The following DSC1 variants were observed in gnomAD, a reference collection of about 807,000 sequenced individuals.
The protein encoded by DSC1 is desmocollin 1.
Under a neutral mutation model 98.8 loss-of-function variants are expected in DSC1, and 79 were observed. The observed-to-expected ratio is 0.80, with a 90% confidence interval of 0.67 to 0.96. The LOEUF (loss-of-function observed/expected upper bound fraction) is 0.96. DSC1 is among the 50% of genes least tolerant of loss of function. The pLI, the probability that DSC1 is intolerant of heterozygous loss-of-function variation, is 0.00. For missense variants in DSC1, 1,115 were observed against 1,075.9 expected (o/e 1.04, Z -0.51); for synonymous variants, 405 against 372.1 (o/e 1.09, Z -1.02).
At chr18:31,162,247 C>T (rs1989223289) in intron 1 of DSC1, among the ~76,000 whole-genome samples, 1 of 152,144 alleles carries the variant, frequency 6.6e-6, no homozygotes, top group Non-Finnish European at 1.5e-5. Flanking sequence ...AGAATGAATT[C>T]ACTTCTCTAC....
intron 5 of DSC1, among the ~76,000 whole-genome samples, chr18:31,152,533 G>C (rs543205869): frequency 2.4e-4 from 36 of 152,248 alleles, no homozygotes; most frequent in African/African-American, 8.4e-4. Flanking sequence ...CAAAATTCTA[G>C]AACACGTGTA....
At chr18:31,159,064 T>TTTTTTTTTTTTTTTTTTTTTTA (rs1398116576) in intron 2 of DSC1, among the ~76,000 whole-genome samples, 1 of 99,742 alleles carries the variant, frequency 1.0e-5, no homozygotes, top group African/African-American at 3.5e-5. Flanking sequence ...TTTTTTTTTT[T>TTTTTTTTTTTTTTTTTTTTTTA]GAGACAGAGT....
Position 31,139,893 on chromosome 18 carries a change from A to G in DSC1, c.1521-3T>C. 2 of 1,593,072 alleles carry G rather than the reference A, an allele frequency of 1.3e-6. No individual in the cohort carries two copies. The highest frequency in any genetic ancestry group is 1.7e-6 in the Non-Finnish European group (2 of 1,174,202). On this transcript the variant is annotated splice_region_variant and splice_polypyrimidine_tract_variant and intron_variant, in intron 10 of 15. Transcript: ENST00000257198. ...CTTCATCCCCTAACTTCTGATACCT[A>G]ATTTTTAGAAATCAAATATGAACGG... is the stretch of plus-strand genomic sequence containing the variant.
rs200787420 is a variant in DSC1 at position 31,144,936 on chromosome 18, C to CTT, written c.939+673_939+674dup. Among the ~76,000 whole-genome samples, 902 of 95,132 alleles carry CTT rather than the reference C, an allele frequency of 9.5e-3. 4 individuals are homozygous for CTT. The highest frequency in any genetic ancestry group is 0.01 in the East Asian group (21 of 2,056). The allele number at this position is 95,132 out of a possible 152,430, so 62.4% of individuals were successfully genotyped here. On this transcript the variant is annotated intron_variant, in intron 7 of 15. Coordinates refer to ENST00000257198, the MANE Select transcript of DSC1 (RefSeq NM_024421.2). The stretch of plus-strand genomic sequence containing the variant: ...TGGGAACCGTCTGTATTTTCTTTTT[C>CTT]TTTCTTTTTTTTTTTTTTTTTGAGA...
In DSC1 at chr18:31,132,568, C is replaced by T. The variant is rs143623071; in HGVS notation, c.2238G>A (p.Thr746=). The T allele has an allele frequency of 3.1e-4, 493 of 1,612,570 alleles. No homozygotes were observed. Among genetic ancestry groups the T allele is most frequent in the Non-Finnish European group, 3.9e-4 (465 of 1,179,224 alleles). Residue 746 remains threonine (T), a splice_region_variant and synonymous_variant, in exon 14 of 16, where the codon ACG becomes ACA. Transcript: ENST00000257198. Reference sequence around the variant, plus strand: ...CAAAGGGATGTGAAATCTGATTTACCGTTACTTCTTCTCCAGGTCCTTCAG... The same window carrying T: ...CAAAGGGATGTGAAATCTGATTTACTGTTACTTCTTCTCCAGGTCCTTCAG... The part of the protein sequence containing the change: ...SNTEGPGEEV[T]EANIRLPMQT...
rs1316896991 is a variant in DSC1 at position 31,154,990 on chromosome 18, C to T, written c.472-61G>A. The T allele has an allele frequency of 4.5e-6, 7 of 1,568,048 alleles. No individual in the cohort carries two copies. In the Admixed American group the frequency reaches 1.3e-4, roughly 29 times the overall value. ...ATGATGAATATTTTCAACCTAACCT[C>T]TTGTGATGGTTTATTTTTTTACCAC... On this transcript the variant is annotated intron_variant, in intron 4 of 15. Coordinates refer to ENST00000257198, the MANE Select transcript of DSC1 (RefSeq NM_024421.2).
chr18:31,155,245 TC>T (rs1422749172), intron 4 of DSC1, among the ~76,000 whole-genome samples: 1 of 152,194 alleles, frequency 6.6e-6, no homozygotes, highest in East Asian at 1.9e-4. Flanking sequence ...AGTAACAGTT[TC>T]CGTGATTTTG....
At position 31,157,409 on chromosome 18, in the gene DSC1, G is replaced by A. The variant is rs1332578745; in HGVS notation, c.313C>T (p.Gln105Ter). The A allele has an allele frequency of 9.9e-6, 16 of 1,613,918 alleles. No individual in the cohort carries two copies. Among genetic ancestry groups the A allele is most frequent in the Non-Finnish European group, 1.4e-5 (16 of 1,180,004 alleles). ...FLSDGQRREQ[Q>*]EIKVVLSARE... is the part of the protein sequence containing the mutation. ...GCTGACAGTACAACTTTTATCTCTT[G>A]TTGTTCCCGTCTCTGACCATCTGAA... The change falls in exon 3 of 16, where the codon CAA (glutamine) becomes TAA (stop). Residue 105 changes from glutamine (Q) to a stop codon, truncating the protein, a stop_gained. Transcript: ENST00000257198. LOFTEE classifies it high-confidence loss of function.
At chr18:31,153,791 C>T (rs1989044087) in intron 5 of DSC1, among the ~76,000 whole-genome samples, 1 of 152,064 alleles carries the variant, frequency 6.6e-6, no homozygotes, top group African/African-American at 2.4e-5. Flanking sequence ...GTAAATATTT[C>T]CATTTCTGAT....
At position 31,134,564 on chromosome 18, in the gene DSC1, T is replaced by A. The variant is rs369776510; in HGVS notation, c.1876+8A>T. ...GTATTGACTATAAAATTTAGCATGATTACATACCATCCTTTTCTTCTATGT... is the reference window on the plus strand; with the variant it reads ...GTATTGACTATAAAATTTAGCATGAATACATACCATCCTTTTCTTCTATGT... On this transcript the variant is annotated splice_region_variant and intron_variant, in intron 12 of 15. Coordinates refer to ENST00000257198, the MANE Select transcript of DSC1 (RefSeq NM_024421.2). 8 of 1,599,192 alleles carry A rather than the reference T, an allele frequency of 5.0e-6. No individual in the cohort carries two copies. The African/African-American group carries it at 9.4e-5, about 19-fold the overall frequency.
At chr18:31,144,119 A>G (rs1988793492) in intron 7 of DSC1, among the ~76,000 whole-genome samples, 2 of 152,120 alleles carry the variant, frequency 1.3e-5, no homozygotes, top group African/African-American at 2.4e-5. Flanking sequence ...TGTGTTGCCC[A>G]GGCTGGTCAC....
Position 31,131,580 on chromosome 18 carries a change from A to G in DSC1, c.2487+14T>C. The G allele has an allele frequency of 6.2e-7, 1 of 1,613,812 alleles. No homozygotes were observed. The highest frequency in any genetic ancestry group is 1.1e-5 in the South Asian group (1 of 91,060). On this transcript the variant is annotated intron_variant, in intron 15 of 15. Transcript: ENST00000257198. Reference sequence around the variant, plus strand: ...ACTTCCATGTAATATGACCTCAAAGACAGTGGAACTTACTTCGCCAAGCCG... The same window carrying G: ...ACTTCCATGTAATATGACCTCAAAGGCAGTGGAACTTACTTCGCCAAGCCG...
chr18:31,137,984 TGTG>T (rs1353440561), intron 11 of DSC1, among the ~76,000 whole-genome samples: 1 of 151,564 alleles, frequency 6.6e-6, no homozygotes, highest in East Asian at 1.9e-4. Context: ...TGTGTGTGTG[TGTG>T]TGTGTGTGTG....
chr18:31,131,280 C>T (rs1988482118), intron 15 of DSC1, among the ~76,000 whole-genome samples: 1 of 152,146 alleles, frequency 6.6e-6, no homozygotes, highest in South Asian at 2.1e-4. Context: ...CCATTCATTC[C>T]TGTATAATAA....
chr18:31,156,292 A>G, intron 3 of DSC1, 130 bp from the exon 4 acceptor site: 1 of 1,076,262 alleles, frequency 9.3e-7, no homozygotes, highest in South Asian at 1.6e-5. Flanking sequence ...TCAGCAAAGC[A>G]TTTCTATTGA....
At chr18:31,138,764 C>A (rs1176244958) in intron 11 of DSC1, among the ~76,000 whole-genome samples, 2 of 139,728 alleles carry the variant, frequency 1.4e-5, no homozygotes, top group Non-Finnish European at 3.2e-5. Flanking sequence ...GAAAAAAAAA[C>A]CCATAGCATT....
chr18:31,142,262 G>GA (rs1387145088), intron 8 of DSC1, 78 bp from the exon 9 acceptor site: 5 of 1,458,830 alleles, frequency 3.4e-6, no homozygotes, highest in Non-Finnish European at 3.7e-6. Flanking sequence ...CGTATTTAAA[G>GA]AAAAAAATAA....
At chr18:31,152,066 G>A (rs1156963613) in intron 5 of DSC1, among the ~76,000 whole-genome samples, 1 of 152,064 alleles carries the variant, frequency 6.6e-6, no homozygotes, top group Non-Finnish European at 1.5e-5. Flanking sequence ...GGAGGTTGAG[G>A]CAGGAGAATT....
chr18:31,154,916 G>A lies in DSC1; in HGVS notation c.485C>T (p.Ala162Val). 1 of 1,613,312 alleles carries A rather than the reference G, an allele frequency of 6.2e-7. No individual in the cohort carries two copies. Among genetic ancestry groups the A allele is most frequent in the Non-Finnish European group, 8.5e-7 (1 of 1,179,806 alleles). The change falls in exon 5 of 16, where the codon GCT becomes GTT. Residue 162 changes from alanine to valine, a missense_variant. Physicochemically the swap from Ala to Val is moderately conservative, Grantham distance 64. Transcript: ENST00000257198. ...PQHVQQIQSD[A>V]AQNYTIFYSI... ...ATAAAAGATGGTGTAATTCTGTGCA[G>A]CATCAGATTGGATCTGCAGTAATAA... is the stretch of plus-strand genomic sequence containing the variant.
Sources: gnomAD v4.1 joint callset for allele counts (sites outside exome capture counted in the v4.1 genomes callset) on GRCh38, gnomAD v4.1.1 for gene constraint, MANE v1.5 for transcripts, NCBI Gene and HGNC (gene_info 2026-07-23, HGNC 2026-07-21) for gene names.